GNG2: variants seen among roughly 807,000 people sequenced by gnomAD.
GNG2 encodes the protein G protein subunit gamma 2, also known as guanine nucleotide-binding protein G(I)/G(S)/G(O) subunit gamma-2.
A neutral mutation model predicts 5.5 loss-of-function variants in GNG2; 5 were observed. The ratio of observed to expected loss-of-function variants is 0.91; its 90% CI spans 0.48 to 1.92. The LOEUF (loss-of-function observed/expected upper bound fraction) is 1.92, where lower values mean the gene tolerates loss of function less well. Among genes scored for constraint, GNG2 ranks in the 30% most tolerant of loss-of-function variants. GNG2 has a pLI of 0.01. For synonymous variants in GNG2, 28 were observed against 32.0 expected, an observed-to-expected ratio of 0.88 and a Z score of 0.42; for missense variants, 55 against 88.4, an observed-to-expected ratio of 0.62 and a Z score of 1.52.
At chr14:51,966,024 C>T (rs187136059) in intron 3 of GNG2, among the ~76,000 whole-genome samples, 25 of 151,718 alleles carry the variant, frequency 1.6e-4, no homozygotes, top group Admixed American at 7.2e-4. Flanking sequence ...GCCTGGCCAA[C>T]GTGGTGAAAC....
At position 51,950,672 on chromosome 14, in the gene GNG2, C is replaced by A. The variant is rs1888920023; in HGVS notation, c.-7C>A. On this transcript the variant is annotated 5_prime_UTR_variant, in exon 3 of 4. Coordinates refer to ENST00000556766, the MANE Select transcript of GNG2 (RefSeq NM_053064.5). ...TAGTGTTTCTGAAAGATCTATCCAG[C>A]ACTCCGATGGCCAGCAACAACACCG... 1.9e-6 allele frequency: 3 copies of A among 1,605,698 alleles called. No homozygotes were observed. Among genetic ancestry groups the A allele is most frequent in the Non-Finnish European group, 2.6e-6 (3 of 1,174,052 alleles).
chr14:51,936,036 A>G (rs1264802576), intron 2 of GNG2, among the ~76,000 whole-genome samples: 1 of 152,126 alleles, frequency 6.6e-6, no homozygotes, highest in Non-Finnish European at 1.5e-5. Context: ...AAAATCATCA[A>G]GCCCCATCCT....
chr14:51,927,293 G>C (rs1887387340), intron 2 of GNG2, among the ~76,000 whole-genome samples: 1 of 152,186 alleles, frequency 6.6e-6, no homozygotes, highest in Non-Finnish European at 1.5e-5. Flanking sequence ...TGATGTCATT[G>C]CTTCAAATTC....
At chr14:51,891,213 A>G (rs1022872107) in intron 2 of GNG2, among the ~76,000 whole-genome samples, 1 of 152,138 alleles carries the variant, frequency 6.6e-6, no homozygotes, top group Non-Finnish European at 1.5e-5. Context: ...GTCTTTAATA[A>G]ATCTGTGTCC....
chr14:51,932,246 CAAAAAAAAA>C lies in GNG2; in HGVS notation c.-29-18386_-29-18378del, dbSNP rs781725794. Among the ~76,000 whole-genome samples, 9 of 23,198 alleles carry C rather than the reference CAAAAAAAAA, an allele frequency of 3.9e-4. No homozygotes were observed. The East Asian group carries it at 6.6e-3, about 17-fold the overall frequency. 15.2% of individuals were successfully genotyped at this position (23,198 alleles called of 152,430 possible). On this transcript the variant is annotated intron_variant, in intron 2 of 3. Coordinates refer to ENST00000556766, the MANE Select transcript of GNG2 (RefSeq NM_053064.5). ...TGGGCAACAGAGCAAGACTCTGTCT[CAAAAAAAAA>C]AAAAAAAAAAAAAAAAAGAAAAGAA...
At chr14:51,892,459 C>T (rs1884924246) in intron 2 of GNG2, among the ~76,000 whole-genome samples, 1 of 152,012 alleles carries the variant, frequency 6.6e-6, no homozygotes, top group Non-Finnish European at 1.5e-5. Flanking sequence ...GCCATCATGC[C>T]TGGCTAATTT....
intron 2 of GNG2, among the ~76,000 whole-genome samples, chr14:51,936,708 G>A (rs2047364): frequency 0.3 from 44,938 of 151,628 alleles, 7,495 homozygotes; most frequent in Middle Eastern, 0.38. Context: ...ATGCCACCAT[G>A]CCTGGCTAAT....
rs558346061 is a variant in GNG2 at position 51,831,155 on chromosome 14, A to T, written c.64+3348A>T. 9.2e-5 allele frequency among the ~76,000 whole-genome samples: 14 copies of T among 152,308 alleles called. No homozygotes were observed. In the South Asian group the frequency reaches 1.2e-3, roughly 14 times the overall value. ...ACTCCAAAAATTATTTAACTCCAAC[A>T]GTTTTAATGTCACATTCCCAGAGGC... On this transcript the variant is annotated intron_variant, in intron 2 of 3. Coordinates refer to the GNG2 transcript ENST00000553432.
chr14:51,910,691 A>T (rs370967447), intron 2 of GNG2, among the ~76,000 whole-genome samples: 28 of 152,332 alleles, frequency 1.8e-4, no homozygotes, highest in Admixed American at 1.2e-3. Flanking sequence ...TTTTACCCTC[A>T]TGGACTTAAA....
chr14:51,867,453 C>T (rs919725460), intron 1 of GNG2, among the ~76,000 whole-genome samples: 2 of 152,234 alleles, frequency 1.3e-5, no homozygotes, highest in Admixed American at 1.3e-4. Flanking sequence ...TAATGACACC[C>T]CATTTATCAT....
At chr14:51,922,744 T>C (rs780066992) in intron 2 of GNG2, among the ~76,000 whole-genome samples, 12 of 152,038 alleles carry the variant, frequency 7.9e-5, no homozygotes, top group Non-Finnish European at 1.6e-4. Context: ...TCTGTGGGAG[T>C]CTGTTTAAGA....
chr14:51,838,196 C>A (rs12887421), intron 2 of GNG2, among the ~76,000 whole-genome samples: 34,092 of 152,002 alleles, frequency 0.22, 4,522 homozygotes, highest in African/African-American at 0.36. Flanking sequence ...GTAATCCCAG[C>A]ACTTTGGGAG....
At chr14:51,884,016 C>T (rs937285855) in intron 2 of GNG2, among the ~76,000 whole-genome samples, 25 of 151,922 alleles carry the variant, frequency 1.6e-4, no homozygotes, top group African/African-American at 6.0e-4. Context: ...TTTTTTCCCA[C>T]CAACTTGTAG....
intron 2 of GNG2, among the ~76,000 whole-genome samples, chr14:51,933,596 A>T (rs1887787094): frequency 6.6e-6 from 1 of 152,232 alleles, no homozygotes; most frequent in Admixed American, 6.5e-5. Context: ...TAATGATGCC[A>T]GAAAGGACCA....
At chr14:51,900,968 T>C (rs565291529) in intron 2 of GNG2, among the ~76,000 whole-genome samples, 124 of 152,350 alleles carry the variant, frequency 8.1e-4, no homozygotes, top group Middle Eastern at 3.4e-3. Flanking sequence ...TACCAGTGTG[T>C]TCCCACACCC....
intron 2 of GNG2, among the ~76,000 whole-genome samples, chr14:51,831,783 C>T (rs1304097896): frequency 3.3e-5 from 5 of 152,170 alleles, no homozygotes; most frequent in East Asian, 1.9e-4. Flanking sequence ...AAAAATAAAT[C>T]GCAGTCTAAC....
intron 2 of GNG2, among the ~76,000 whole-genome samples, chr14:51,906,927 T>C (rs975042644): frequency 4.0e-5 from 6 of 151,464 alleles, no homozygotes; most frequent in Non-Finnish European, 8.9e-5. Context: ...GGCTAATTTT[T>C]TGTATTTTTA....
intron 2 of GNG2, among the ~76,000 whole-genome samples, chr14:51,830,234 G>GT (rs754794006): frequency 2.0e-5 from 3 of 152,110 alleles, no homozygotes; most frequent in Non-Finnish European, 4.4e-5. Context: ...TTCCTTTGTA[G>GT]TTTTTTTCTG....
intron 1 of GNG2, among the ~76,000 whole-genome samples, chr14:51,869,667 C>T (rs1566654503): frequency 6.6e-6 from 1 of 152,124 alleles, no homozygotes; most frequent in Non-Finnish European, 1.5e-5. Context: ...GTGTGTGCCA[C>T]CATGCCCAGC....
Sources: gnomAD v4.1 joint callset for allele counts (sites outside exome capture counted in the v4.1 genomes callset) on GRCh38, gnomAD v4.1.1 for gene constraint, MANE v1.5 for transcripts, NCBI Gene and HGNC (gene_info 2026-07-23, HGNC 2026-07-21) for gene names.